The following ELOVL4 variants were observed in gnomAD, a reference collection of about 807,000 sequenced individuals.
ELOVL4 encodes very long chain fatty acid elongase 4.
In ELOVL4, 18 loss-of-function variants were observed where a neutral mutation model predicts 42.1. That is an observed-to-expected ratio of 0.43 (90% confidence interval 0.30 to 0.63). The LOEUF (loss-of-function observed/expected upper bound fraction) is 0.63. Among genes scored for constraint, ELOVL4 ranks in the 30% least tolerant of loss-of-function variants. The probability of loss-of-function intolerance (pLI) is 0.15; values close to 1 mark genes in which losing one functional copy is unlikely to be tolerated. For synonymous variants in ELOVL4, 117 were observed against 127.0 expected (o/e 0.92, Z 0.53); for missense variants, 299 against 376.2 (o/e 0.79, Z 1.70).
chr6:79,931,607 A>AC (rs1774446392), intron 1 of ELOVL4, among the ~76,000 whole-genome samples: 1 of 152,234 alleles, frequency 6.6e-6, no homozygotes, highest in Non-Finnish European at 1.5e-5. Context: ...GCCAAGTCTT[A>AC]TACTTCATTA....
intron 1 of ELOVL4, among the ~76,000 whole-genome samples, chr6:79,941,000 A>C (rs1774636073): frequency 6.8e-6 from 1 of 147,662 alleles, no homozygotes; most frequent in Non-Finnish European, 1.5e-5. Flanking sequence ...AATTTTAAAA[A>C]GTAAAAAGAA....
rs1378621144 is a variant in ELOVL4, at chr6:79,926,201, A to G, written c.281T>C (p.Phe94Ser). 1 of 1,610,960 alleles carries G rather than the reference A, an allele frequency of 6.2e-7. No homozygotes were observed. The highest frequency in any genetic ancestry group is 1.3e-5 in the African/African-American group (1 of 74,946). ...GTGATCTTAAAAACATACCTCTCTG[A>G]AGATAAAGAGGTTAAGCAAAACCAT... is the stretch of plus-strand genomic sequence containing the variant. ...FGMVLLNLFI[F>S]RELFMGSYNA... is the part of the protein sequence containing the mutation. The change falls in exon 2 of 6, where the codon TTC becomes TCC. Residue 94 changes from phenylalanine (F) to serine (S), a missense_variant. Coordinates refer to ENST00000369816, the MANE Select transcript of ELOVL4 (RefSeq NM_022726.4).
At chr6:79,930,871 G>C (rs1029982633) in intron 1 of ELOVL4, among the ~76,000 whole-genome samples, 1 of 152,104 alleles carries the variant, frequency 6.6e-6, no homozygotes, top group Non-Finnish European at 1.5e-5. Context: ...TAGTGTGACA[G>C]GAGATACATT....
intron 3 of ELOVL4, 95 bp downstream of exon 3, chr6:79,924,857 T>C: frequency 1.2e-6 from 1 of 800,684 alleles, no homozygotes; most frequent in Admixed American, 2.0e-5. Flanking sequence ...AAAGAAACTG[T>C]CTCTTAAAAA....
intron 5 of ELOVL4, 62 bp from the exon 6 acceptor site, chr6:79,916,945 A>G (rs771537706): frequency 5.6e-6 from 9 of 1,595,348 alleles, no homozygotes; most frequent in Non-Finnish European, 6.0e-6. Flanking sequence ...TTTTAACAAC[A>G]TCGGCATCTT....
chr6:79,940,034 A>G (rs1011937808), intron 1 of ELOVL4, among the ~76,000 whole-genome samples: 25 of 152,198 alleles, frequency 1.6e-4, no homozygotes, highest in African/African-American at 5.8e-4. Flanking sequence ...CCACCTCTTA[A>G]CTACTGTGAA....
chr6:79,926,629 A>T (rs1774347216), intron 1 of ELOVL4, among the ~76,000 whole-genome samples: 1 of 152,216 alleles, frequency 6.6e-6, no homozygotes, highest in South Asian at 2.1e-4. Flanking sequence ...GACCCTACAG[A>T]ACAAAAACAA....
intron 1 of ELOVL4, among the ~76,000 whole-genome samples, chr6:79,936,359 T>C (rs1216220262): frequency 6.6e-6 from 1 of 152,126 alleles, no homozygotes; most frequent in Non-Finnish European, 1.5e-5. Flanking sequence ...ATATACTAAG[T>C]GATATTAAAA....
chr6:79,934,201 G>A (rs1774504442), intron 1 of ELOVL4, among the ~76,000 whole-genome samples: 1 of 152,144 alleles, frequency 6.6e-6, no homozygotes. Context: ...GAAGGAGCAT[G>A]TACAGTGAGA....
At chr6:79,931,204 A>G (rs1474966950) in intron 1 of ELOVL4, among the ~76,000 whole-genome samples, 1 of 151,988 alleles carries the variant, frequency 6.6e-6, no homozygotes, top group Non-Finnish European at 1.5e-5. Context: ...GCTTATTAAC[A>G]TGTTTGTACC....
chr6:79,926,935 T>C (rs1774352516), intron 1 of ELOVL4, among the ~76,000 whole-genome samples: 2 of 152,200 alleles, frequency 1.3e-5, no homozygotes, highest in South Asian at 2.1e-4. Flanking sequence ...AATTCTATAA[T>C]GTAAACAGTC....
chr6:79,934,231 T>C (rs1774504985), intron 1 of ELOVL4, among the ~76,000 whole-genome samples: 1 of 152,004 alleles, frequency 6.6e-6, no homozygotes, highest in Admixed American at 6.6e-5. Context: ...GAAAAAGGAA[T>C]GACTCTGAGG....
intron 1 of ELOVL4, among the ~76,000 whole-genome samples, chr6:79,944,699 G>A (rs1231043287): frequency 1.3e-5 from 2 of 152,120 alleles, no homozygotes; most frequent in African/African-American, 4.8e-5. Flanking sequence ...ATAAAAGAAT[G>A]AAAGAAGCAT....
In ELOVL4 at chr6:79,924,270, T is replaced by C. The variant is rs138710581; in HGVS notation, c.369+682A>G. 3.5e-3 allele frequency among the ~76,000 whole-genome samples: 539 copies of C among 152,300 alleles called. 3 individuals are homozygous for C. The highest frequency in any genetic ancestry group is 0.013 in the African/African-American group (520 of 41,578). ...TCCACACTTCACAAAACATTTACTT[T>C]TCCTCACTTTCTTAACACATAACTT... is the stretch of plus-strand genomic sequence containing the variant. On this transcript the variant is annotated intron_variant, in intron 3 of 5. Coordinates refer to ENST00000369816, the MANE Select transcript of ELOVL4 (RefSeq NM_022726.4).
At position 79,925,061 on chromosome 6, in the gene ELOVL4, A is replaced by G. The variant is rs560807281; in HGVS notation, c.289-29T>C. ...GAAAAAGAGTAATAATATTTGTAGTAAAGTTTTAGTAAACACAGCATTAAA... is the reference window on the plus strand; with the variant it reads ...GAAAAAGAGTAATAATATTTGTAGTGAAGTTTTAGTAAACACAGCATTAAA... On this transcript the variant is annotated intron_variant, in intron 2 of 5. Coordinates refer to ENST00000369816, the MANE Select transcript of ELOVL4 (RefSeq NM_022726.4). The G allele has an allele frequency of 5.7e-4, 819 of 1,441,706 alleles. 12 individuals carry two copies. The South Asian group carries it at 9.1e-3, about 16-fold the overall frequency. The allele number at this position is 1,441,706 out of a possible 1,614,324, so 89.3% of individuals were successfully genotyped here. A position where few individuals can be genotyped will look rare whatever the true frequency, so the allele number is the denominator to read the frequency against.
chr6:79,929,637 A>T (rs2127700082), intron 1 of ELOVL4, among the ~76,000 whole-genome samples: 1 of 152,298 alleles, frequency 6.6e-6, no homozygotes, highest in Non-Finnish European at 1.5e-5. Flanking sequence ...GCAGTAACAA[A>T]CTACATGATC....
intron 2 of ELOVL4, 40 bp from the exon 3 acceptor site, chr6:79,925,072 A>C: frequency 7.8e-7 from 1 of 1,289,312 alleles, no homozygotes; most frequent in Non-Finnish European, 1.1e-6. Flanking sequence ...AAGTTTTAGT[A>C]AACACAGCAT....
chr6:79,941,334 C>A (rs1297580323), intron 1 of ELOVL4, among the ~76,000 whole-genome samples: 1 of 152,162 alleles, frequency 6.6e-6, no homozygotes, highest in Non-Finnish European at 1.5e-5. Flanking sequence ...TCATCTAAAT[C>A]CCAGTCCAGA....
chr6:79,928,727 GTTTTTTTTTTTTT>G (rs34673896), intron 1 of ELOVL4, among the ~76,000 whole-genome samples: 18 of 75,582 alleles, frequency 2.4e-4, no homozygotes, highest in South Asian at 1.3e-3. Flanking sequence ...TGGTGACTGG[GTTTTTTTTTTTTT>G]TTTTTTTTTT....
Sources: allele counts gnomAD v4.1 joint callset (sites outside exome capture counted in the v4.1 genomes callset), GRCh38; gene constraint gnomAD v4.1.1; transcripts MANE v1.5; gene names NCBI Gene and HGNC (gene_info 2026-07-23, HGNC 2026-07-21).